CAMKK1: variants seen among roughly 807,000 people sequenced by gnomAD.
CAMKK1 encodes calcium/calmodulin dependent protein kinase kinase 1, also known as calcium/calmodulin-dependent protein kinase kinase 1.
A neutral mutation model predicts 63.5 loss-of-function variants in CAMKK1; 20 were observed. That is an observed-to-expected ratio of 0.32 (90% CI 0.22 to 0.46). The LOEUF (loss-of-function observed/expected upper bound fraction) is 0.46. Ranked by LOEUF, CAMKK1 falls within the 20% of genes least tolerant of loss-of-function variation. The pLI is 1.00. For missense variants in CAMKK1, 588 were observed against 658.1 expected (o/e 0.89, Z 1.17); for synonymous variants, 253 against 269.0 (o/e 0.94, Z 0.58).
intron 7 of CAMKK1, 193 bp from the exon 8 acceptor site, chr17:3,881,841 C>A: frequency 1.7e-6 from 1 of 596,116 alleles, no homozygotes; most frequent in South Asian, 2.0e-5. Context: ...CCTGTCTCAT[C>A]TGATCCTCAG....
At chr17:3,891,819 G>C (rs2055913821) in intron 1 of CAMKK1, among the ~76,000 whole-genome samples, 3 of 152,252 alleles carry the variant, frequency 2.0e-5, no homozygotes, top group South Asian at 2.1e-4. Flanking sequence ...GCTTGGTTTG[G>C]GGGTGGGGAG....
Position 3,885,383 on chromosome 17 carries a change from C to T in CAMKK1, c.305G>A (p.Arg102Gln), listed in dbSNP as rs202123035. 70 of 1,610,898 alleles carry T rather than the reference C, an allele frequency of 4.3e-5. No individual in the cohort carries two copies. Among genetic ancestry groups the T allele is most frequent in the East Asian group, 1.1e-4 (5 of 44,822 alleles). Residue 102 changes from arginine (R) to glutamine (Q), a missense_variant, in exon 2 of 16, where the codon CGG becomes CAG. Coordinates refer to ENST00000348335, the MANE Select transcript of CAMKK1 (RefSeq NM_032294.3). ...CTCGATGGTGGGCCTCCGCCAGGCC[C>T]GGGGGGAGATGTGGCTGGCAGGCCC... ...ATGPASHISP[R>Q]AWRRPTIESH...
chr17:3,869,420 G>A lies in CAMKK1; in HGVS notation c.1341+67C>T, dbSNP rs2054736773. On this transcript the variant is annotated intron_variant, in intron 14 of 15. Transcript: ENST00000348335. ...GGCCTCTGTCCCCCCAAGGAGCCAG[G>A]CACAGAGCAAGGCTCAGGTCCCCCA... 4 of 1,597,230 alleles carry A rather than the reference G, an allele frequency of 2.5e-6. No homozygotes were observed. In the Admixed American group the frequency reaches 6.8e-5, roughly 27 times the overall value.
chr17:3,866,077 G>T, intron 14 of CAMKK1, 66 bp from the exon 15 acceptor site: 8 of 1,571,168 alleles, frequency 5.1e-6, no homozygotes, highest in Non-Finnish European at 3.5e-6. Context: ...CCTCTGCTCC[G>T]ATTCCCCGAG....
intron 14 of CAMKK1, among the ~76,000 whole-genome samples, chr17:3,867,235 G>A (rs144973759): frequency 6.6e-6 from 1 of 152,356 alleles, no homozygotes; most frequent in African/African-American, 2.4e-5. Flanking sequence ...GTGAGGGAGC[G>A]AGTCCCGTGG....
At chr17:3,888,957 G>A (rs910656686) in intron 1 of CAMKK1, among the ~76,000 whole-genome samples, 13 of 152,032 alleles carry the variant, frequency 8.6e-5, no homozygotes, top group Non-Finnish European at 1.6e-4. Flanking sequence ...ACACAGGAGC[G>A]CACTGCATGG....
Position 3,881,240 on chromosome 17 carries a change from C to A in CAMKK1, c.707+387G>T, listed in dbSNP as rs190568220. On this transcript the variant is annotated intron_variant, in intron 8 of 15. Coordinates refer to ENST00000348335, the MANE Select transcript of CAMKK1 (RefSeq NM_032294.3). ...TCTCACAAATGGGAGCAACTGGAAT[C>A]CCACCCACTCCATTCACAGACTTGT... 3.9e-3 allele frequency among the ~76,000 whole-genome samples: 595 copies of A among 152,358 alleles called. 18 individuals carry two copies. Among genetic ancestry groups the A allele is most frequent in the Admixed American group, 0.035 (537 of 15,304 alleles).
chr17:3,862,868 C>A lies in CAMKK1; in HGVS notation c.1446-585G>T, dbSNP rs561416408. On this transcript the variant is annotated intron_variant, in intron 15 of 15. Transcript: ENST00000348335. The surrounding 1 kb of genome is among the most constrained non-coding windows in gnomAD (Gnocchi z 4.1). ...CCCAGGCTGGTCTCAAACTCCTGGG[C>A]TCAAGCGATCCATCCACCTCAGCCT... Among the ~76,000 whole-genome samples the A allele has an allele frequency of 6.6e-6, 1 of 152,276 alleles. No homozygotes were observed. Among genetic ancestry groups the A allele is most frequent in the African/African-American group, 2.4e-5 (1 of 41,580 alleles).
At chr17:3,881,792 G>A in intron 7 of CAMKK1, 144 bp from the exon 8 acceptor site, 1 of 714,114 alleles carries the variant, frequency 1.4e-6, no homozygotes, top group Non-Finnish European at 2.5e-6. Context: ...CCTGGGATAT[G>A]AGAGCAAATA....
intron 10 of CAMKK1, among the ~76,000 whole-genome samples, chr17:3,873,667 C>G (rs992768801): frequency 6.6e-6 from 1 of 152,188 alleles, no homozygotes; most frequent in Non-Finnish European, 1.5e-5. Flanking sequence ...GGCCTCCACC[C>G]TCCAGGGGTT....
intron 9 of CAMKK1, 43 bp from the exon 10 acceptor site, chr17:3,876,465 C>T (rs757529098): frequency 1.4e-5 from 22 of 1,564,734 alleles, no homozygotes; most frequent in South Asian, 1.2e-4. Context: ...GCCTGGGCAC[C>T]GCTGGCCAGG....
chr17:3,885,205 C>A (rs2055590786), intron 2 of CAMKK1, 123 bp downstream of exon 2: 1 of 1,171,944 alleles, frequency 8.5e-7, no homozygotes, highest in Middle Eastern at 3.0e-4. Context: ...TAGTGATCTC[C>A]CCAGCTCTGA....
rs200214536 is a variant in CAMKK1, at chr17:3,865,938, C to T, written c.1415G>A (p.Arg472Gln). 3.5e-5 allele frequency: 57 copies of T among 1,614,084 alleles called. No individual in the cohort carries two copies. The highest frequency in any genetic ancestry group is 4.6e-5 in the Non-Finnish European group (54 of 1,180,034). The change falls in exon 15 of 16, where the codon CGA becomes CAA. Residue 472 changes from arginine (R) to glutamine (Q), a missense_variant. By Grantham distance (43) the Arg-to-Gln change is conservative (BLOSUM62 1). Around this residue, in one of 3 missense-constraint regions of CAMKK1, gnomAD observed 226 missense variants for 229.2 expected, o/e 0.99. Coordinates refer to ENST00000348335, the MANE Select transcript of CAMKK1 (RefSeq NM_032294.3). ...TAGGTTTCCTGGAGCAGACATGGAT[C>T]GCTCTTCCCTCCGTGCTTGGGGCTC... ...PFEPQARREERSMSAPGNLLV... is the reference protein window; with the variant it reads ...PFEPQARREEQSMSAPGNLLV...
Position 3,887,922 on chromosome 17 carries a change from A to T in CAMKK1, c.-43-2192T>A, listed in dbSNP as rs146305889. Among the ~76,000 whole-genome samples the T allele has an allele frequency of 1.9e-3, 287 of 151,954 alleles. No individual in the cohort carries two copies. Among genetic ancestry groups the T allele is most frequent in the Non-Finnish European group, 3.4e-3 (228 of 67,970 alleles). Reference sequence around the variant, plus strand: ...TTTTTCCCTCCCGAATGTAAGTTTCATGAGATTAGGACGCTCATCTGCCTT... The same window carrying T: ...TTTTTCCCTCCCGAATGTAAGTTTCTTGAGATTAGGACGCTCATCTGCCTT... On this transcript the variant is annotated intron_variant, in intron 1 of 15. Transcript: ENST00000348335. The surrounding 1 kb of genome is among the most constrained non-coding windows in gnomAD (Gnocchi z 6.1).
At chr17:3,867,481 C>A (rs1389073389) in intron 14 of CAMKK1, among the ~76,000 whole-genome samples, 1 of 152,190 alleles carries the variant, frequency 6.6e-6, no homozygotes, top group Non-Finnish European at 1.5e-5. Flanking sequence ...CCACTGGGAC[C>A]ATGCTGGGTG....
At position 3,890,886 on chromosome 17, in the gene CAMKK1, C is replaced by A. The variant is rs936419100; in HGVS notation, c.-44+2053G>T. The A allele has an allele frequency of 1.9e-5, 13 of 689,978 alleles. No individual in the cohort carries two copies. The highest frequency in any genetic ancestry group is 3.5e-5 in the Non-Finnish European group (13 of 369,820). The allele number at this position is 689,978 out of a possible 1,614,324, so 42.7% of individuals were successfully genotyped here. A position where few individuals can be genotyped will look rare whatever the true frequency, so the allele number is the denominator to read the frequency against. ...GCTGGGTGAGCTCACCAAGTCAAAC[C>A]CCTTAGAAGTCCAGATTCTACCCAC... is the stretch of plus-strand genomic sequence containing the variant. On this transcript the variant is annotated intron_variant, in intron 1 of 15. Transcript: ENST00000348335. The surrounding 1 kb of genome is among the most constrained non-coding windows in gnomAD (Gnocchi z 6.5).
At chr17:3,869,061 C>T (rs147406052) in intron 14 of CAMKK1, among the ~76,000 whole-genome samples, 28 of 151,780 alleles carry the variant, frequency 1.8e-4, no homozygotes, top group African/African-American at 5.3e-4. Context: ...CTCCACCTCC[C>T]GGGTTCACAC....
intron 10 of CAMKK1, among the ~76,000 whole-genome samples, chr17:3,874,817 A>C (rs2055066739): frequency 6.6e-6 from 1 of 151,688 alleles, no homozygotes; most frequent in South Asian, 2.1e-4. Context: ...CCGATATATA[A>C]GTCTTATCAA....
At position 3,880,352 on chromosome 17, in the gene CAMKK1, C is replaced by T. The variant is rs2055353204; in HGVS notation, c.790G>A (p.Glu264Lys). ...CAAGCTGCCCCGCACTCACAGTACT[C>T]GAGGCCCAGGATGACGTCCCGCAGG... is the stretch of plus-strand genomic sequence containing the variant. ...LYLRDVILGLEYLHCQKIVHR... is the reference protein window; with the variant it reads ...LYLRDVILGLKYLHCQKIVHR... The change falls in exon 9 of 16, where the codon GAG (glutamate) becomes AAG (lysine). Residue 264 changes from glutamate (E) to lysine (K), a missense_variant. This residue lies in a region of CAMKK1 where 357 missense variants were observed against 407.4 expected (regional missense o/e 0.88). Coordinates refer to ENST00000348335, the MANE Select transcript of CAMKK1 (RefSeq NM_032294.3). The T allele has an allele frequency of 6.2e-7, 1 of 1,613,792 alleles. No homozygotes were observed. Among genetic ancestry groups the T allele is most frequent in the Non-Finnish European group, 8.5e-7 (1 of 1,179,886 alleles).
Sources: allele counts gnomAD v4.1 joint callset (sites outside exome capture counted in the v4.1 genomes callset), GRCh38; gene constraint gnomAD v4.1.1; regional missense constraint gnomAD v4.1.1; non-coding constraint Gnocchi (gnomAD v3.1); transcripts MANE v1.5; gene names NCBI Gene and HGNC (gene_info 2026-07-23, HGNC 2026-07-21).